UHRF1: variants seen among roughly 807,000 people sequenced by gnomAD.
UHRF1 encodes the protein E3 ubiquitin-protein ligase UHRF1.
In UHRF1, 9 loss-of-function variants were observed where a neutral mutation model predicts 96.5. That is an observed-to-expected ratio of 0.09 (90% CI 0.06 to 0.16). The LOEUF is 0.16. Ranked by LOEUF, UHRF1 falls within the 10% of genes least tolerant of loss-of-function variation. UHRF1 has a pLI of 1.00. For synonymous variants in UHRF1, 455 were observed against 469.9 expected, an observed-to-expected ratio of 0.97 and a Z score of 0.41; for missense variants, 626 against 1,131.1, an observed-to-expected ratio of 0.55 and a Z score of 6.40.
intron 13 of UHRF1, among the ~76,000 whole-genome samples, chr19:4,953,446 C>T (rs2033771814): frequency 1.3e-5 from 2 of 152,132 alleles, no homozygotes; most frequent in Admixed American, 6.5e-5. Context: ...GTCAGCATCC[C>T]TACTCTTGCA....
upstream of UHRF1, among the ~76,000 whole-genome samples, chr19:4,907,561 C>A (rs578094057): frequency 2.5e-4 from 38 of 151,866 alleles, no homozygotes; most frequent in East Asian, 3.3e-3. Flanking sequence ...TGAGCCACCA[C>A]GCCCGGCCCA....
In UHRF1 at chr19:4,930,618, C is replaced by T. The variant is rs1365124183; in HGVS notation, c.409-98C>T. ...CTCGCTGTGGGCATTCGAGTTTGCG[C>T]CCTGGTTCCAGAGCATCCCAGTGTC... On this transcript the variant is annotated intron_variant, in intron 3 of 16. Transcript: ENST00000650932. The surrounding 1 kb of genome is among the most constrained non-coding windows in gnomAD (Gnocchi z 4.4). 2.8e-6 allele frequency: 4 copies of T among 1,438,792 alleles called. No homozygotes were observed. The East Asian group carries it at 7.4e-5, about 27-fold the overall frequency. The allele number at this position is 1,438,792 out of a possible 1,614,324, so 89.1% of individuals were successfully genotyped here.
chr19:4,948,418 A>G (rs533106133), intron 11 of UHRF1, among the ~76,000 whole-genome samples: 1 of 152,352 alleles, frequency 6.6e-6, no homozygotes, highest in African/African-American at 2.4e-5. Context: ...CCTATAAATT[A>G]AAAGGCAGAT....
rs1477323022 is a variant in UHRF1, at chr19:4,909,651, G to C, written c.-15G>C. ...GCAGACAAGCTGTTCGCGGCGACCG[G>C]AGAGGTGAGCGGGCGGGCCGGGTCG... On this transcript the variant is annotated 5_prime_UTR_variant, in exon 1 of 17. Coordinates refer to ENST00000650932, the MANE Select transcript of UHRF1 (RefSeq NM_001048201.3). 4 of 552,814 alleles carry C rather than the reference G, an allele frequency of 7.2e-6. No individual in the cohort carries two copies. Among genetic ancestry groups the C allele is most frequent in the Non-Finnish European group, 1.3e-5 (4 of 316,920 alleles). The allele number at this position is 552,814 out of a possible 1,614,324, so 34.2% of individuals were successfully genotyped here. A position where few individuals can be genotyped will look rare whatever the true frequency, so the allele number is the denominator to read the frequency against.
chr19:4,924,491 C>A (rs1378616576), intron 2 of UHRF1, among the ~76,000 whole-genome samples: 4 of 152,084 alleles, frequency 2.6e-5, no homozygotes, highest in African/African-American at 4.8e-5. Context: ...GCAATGTTGC[C>A]CAGGCTGGTC....
At chr19:4,948,969 A>C (rs1357050645) in intron 11 of UHRF1, among the ~76,000 whole-genome samples, 1 of 138,850 alleles carries the variant, frequency 7.2e-6, no homozygotes, top group Admixed American at 7.2e-5. Flanking sequence ...TAAGAATACA[A>C]AAAAAAAAAA....
At chr19:4,955,347 C>T (rs1320292285) in intron 15 of UHRF1, among the ~76,000 whole-genome samples, 2 of 152,040 alleles carry the variant, frequency 1.3e-5, no homozygotes, top group African/African-American at 4.8e-5. Context: ...GCTCGGGGCC[C>T]CTTCCTCCCC....
At chr19:4,941,507 C>T (rs745783855) in intron 5 of UHRF1, 21 bp from the exon 6 acceptor site, 7 of 1,599,548 alleles carry the variant, frequency 4.4e-6, no homozygotes, top group Non-Finnish European at 6.0e-6. Context: ...CAGAATGTTC[C>T]AGCGTCCTCG....
intron 1 of UHRF1, among the ~76,000 whole-genome samples, chr19:4,904,035 G>A (rs191168497): frequency 1.3e-5 from 2 of 151,954 alleles, no homozygotes; most frequent in Admixed American, 1.3e-4. Context: ...GGAGTGCAGT[G>A]GCGTGATCTC....
Position 4,950,870 on chromosome 19 carries a change from C to T in UHRF1, c.1692C>T (p.Tyr564=), listed in dbSNP as rs1226425195. Residue 564 remains tyrosine (Y), a synonymous_variant, in exon 13 of 17, where the codon TAC becomes TAT. Transcript: ENST00000650932. ...RYDGIYKVVK[Y]WPEKGKSGFL... The stretch of plus-strand genomic sequence containing the variant: ...CCCGCTCTCTGCAGGTTGTGAAATA[C>T]TGGCCCGAGAAGGGGAAGTCCGGGT... 6.2e-6 allele frequency: 10 copies of T among 1,613,802 alleles called. No homozygotes were observed. Among genetic ancestry groups the T allele is most frequent in the Non-Finnish European group, 8.5e-6 (10 of 1,179,890 alleles).
At chr19:4,957,936 C>T (rs2033900880) in intron 16 of UHRF1, among the ~76,000 whole-genome samples, 1 of 152,234 alleles carries the variant, frequency 6.6e-6, no homozygotes, top group African/African-American at 2.4e-5. Flanking sequence ...GGGACTGACC[C>T]TGCCACCCCA....
At chr19:4,955,622 G>A (rs545397757) in intron 15 of UHRF1, among the ~76,000 whole-genome samples, 1 of 152,188 alleles carries the variant, frequency 6.6e-6, no homozygotes, top group Non-Finnish European at 1.5e-5. Context: ...ATTCTTCCCA[G>A]GGCTTTCTCC....
chr19:4,925,874 C>G (rs973840726), intron 2 of UHRF1, among the ~76,000 whole-genome samples: 7 of 127,740 alleles, frequency 5.5e-5, no homozygotes, highest in South Asian at 2.7e-4. Flanking sequence ...GATCCTCTCA[C>G]CTGTTTTTTC....
exon 1 of UHRF1, chr19:4,903,192 A>C: frequency 4.2e-6 from 1 of 240,570 alleles, no homozygotes; most frequent in Non-Finnish European, 8.3e-6. Flanking sequence ...ATGCCCAGCT[A>C]ATTTTTTGGT....
intron 5 of UHRF1, among the ~76,000 whole-genome samples, chr19:4,940,707 C>T (rs1048502208): frequency 6.6e-6 from 1 of 151,944 alleles, no homozygotes; most frequent in Non-Finnish European, 1.5e-5. Context: ...GAGTCTCACT[C>T]TGTCGCCCAG....
chr19:4,913,978 AT>A (rs897905379), intron 2 of UHRF1, among the ~76,000 whole-genome samples: 2 of 150,958 alleles, frequency 1.3e-5, no homozygotes, highest in African/African-American at 4.9e-5. Flanking sequence ...TGCGCAGCTA[AT>A]TTTTTTTGTA....
chr19:4,924,881 T>C (rs1431183777), intron 2 of UHRF1, among the ~76,000 whole-genome samples: 2 of 150,760 alleles, frequency 1.3e-5, no homozygotes, highest in African/African-American at 2.4e-5. Context: ...GGCTGGAATG[T>C]AGTGGCGTGA....
At chr19:4,951,795 C>A (rs2033724721) in intron 13 of UHRF1, among the ~76,000 whole-genome samples, 2 of 151,922 alleles carry the variant, frequency 1.3e-5, no homozygotes, top group African/African-American at 4.8e-5. Context: ...CCCGAGCCAT[C>A]TCTCACCTCC....
chr19:4,915,093 A>G (rs1229442203), intron 2 of UHRF1, among the ~76,000 whole-genome samples: 1 of 152,224 alleles, frequency 6.6e-6, no homozygotes, highest in East Asian at 1.9e-4. Flanking sequence ...AGAGACTTCC[A>G]TGCCTCAAAG....
Sources: allele counts gnomAD v4.1 joint callset (sites outside exome capture counted in the v4.1 genomes callset), GRCh38; gene constraint gnomAD v4.1.1; non-coding constraint Gnocchi (gnomAD v3.1); transcripts MANE v1.5; gene names NCBI Gene and HGNC (gene_info 2026-07-23, HGNC 2026-07-21).